The following NAA25 variants were observed in gnomAD, a reference collection of about 807,000 sequenced individuals.
NAA25 encodes the protein N-alpha-acetyltransferase 25, NatB auxiliary subunit.
In NAA25, 30 loss-of-function variants were observed where a neutral mutation model predicts 132.5. That is an observed-to-expected ratio of 0.23 (90% CI 0.17 to 0.31). The LOEUF (loss-of-function observed/expected upper bound fraction) is 0.31. Ranked by LOEUF, NAA25 falls within the 10% of genes least tolerant of loss-of-function variation. NAA25 has a pLI of 1.00. For synonymous variants in NAA25, 359 were observed against 401.9 expected, an observed-to-expected ratio of 0.89 and a Z score of 1.28; for missense variants, 771 against 1,150.4, an observed-to-expected ratio of 0.67 and a Z score of 4.77.
intron 3 of NAA25, 66 bp downstream of exon 3, chr12:112,090,660 C>A: frequency 6.5e-7 from 1 of 1,529,472 alleles, no homozygotes; most frequent in Non-Finnish European, 8.9e-7. Flanking sequence ...CAGACAAGGG[C>A]AAACAGTCAG....
intron 1 of NAA25, among the ~76,000 whole-genome samples, chr12:112,096,282 A>C (rs963088598): frequency 3.3e-5 from 5 of 152,230 alleles, no homozygotes; most frequent in African/African-American, 1.2e-4. Context: ...AACACAGGCC[A>C]GTTCACAATC....
At chr12:112,087,606 G>T in intron 4 of NAA25, 77 bp downstream of exon 4, 1 of 923,766 alleles carries the variant, frequency 1.1e-6, no homozygotes, top group Non-Finnish European at 1.7e-6. Context: ...CATACCCAGT[G>T]CAGTTAAATC....
chr12:112,089,470 A>G (rs2079101072), intron 3 of NAA25, among the ~76,000 whole-genome samples: 1 of 152,184 alleles, frequency 6.6e-6, no homozygotes. Flanking sequence ...ACCCAGTGAA[A>G]TATTTTGTGG....
chr12:112,031,351 T>G (rs7304461), intron 23 of NAA25, among the ~76,000 whole-genome samples: 1 of 152,218 alleles, frequency 6.6e-6, no homozygotes, highest in Non-Finnish European at 1.5e-5. Flanking sequence ...CAAAACTATA[T>G]GCATCAGGTA....
rs1388513531 is a variant in NAA25, at chr12:112,075,683, T to C, written c.771A>G (p.Leu257=). 6.2e-7 allele frequency: 1 copy of C among 1,613,552 alleles called. No homozygotes were observed. Residue 257 remains leucine (L), a synonymous_variant, in exon 8 of 24, where the codon CTA becomes CTG. Coordinates refer to ENST00000261745, the MANE Select transcript of NAA25 (RefSeq NM_024953.4). ...AAAAGAAAGCTTTTACTCACTTTTT[T>C]AGTAAGAGGCGCCGGGAAAGGGCAT... The part of the protein sequence containing the change: ...ECNALSRRLL[L]KNSDDWQFYL...
intron 1 of NAA25, among the ~76,000 whole-genome samples, chr12:112,104,784 G>A (rs970814532): frequency 2.0e-5 from 3 of 151,636 alleles, no homozygotes; most frequent in African/African-American, 4.8e-5. Context: ...TGCAGTGAGC[G>A]GAGATCACGC....
intron 1 of NAA25, among the ~76,000 whole-genome samples, chr12:112,096,891 G>C (rs976939540): frequency 2.6e-5 from 4 of 152,202 alleles, no homozygotes; most frequent in Non-Finnish European, 5.9e-5. Context: ...AAACATCTTT[G>C]ATGAGACCCA....
intron 13 of NAA25, among the ~76,000 whole-genome samples, chr12:112,059,894 G>A (rs994897361): frequency 2.0e-5 from 3 of 150,192 alleles, no homozygotes; most frequent in South Asian, 2.1e-4. Flanking sequence ...TGCAACCTCC[G>A]CCTCCCAAGC....
intron 22 of NAA25, chr12:112,035,217 A>C (rs1218732692): frequency 6.6e-6 from 1 of 152,258 alleles, no homozygotes; most frequent in Non-Finnish European, 1.5e-5. Context: ...AAAGACAACA[A>C]AAAACACTAC....
At chr12:112,043,258 G>A in intron 18 of NAA25, 47 bp from the exon 19 acceptor site, 2 of 1,525,594 alleles carry the variant, frequency 1.3e-6, no homozygotes, top group Non-Finnish European at 1.8e-6. Context: ...CCATCTAAAT[G>A]CATACAAAAT....
chr12:112,052,083 T>C (rs1397498714), intron 15 of NAA25, among the ~76,000 whole-genome samples: 3 of 152,206 alleles, frequency 2.0e-5, no homozygotes, highest in South Asian at 4.1e-4. Context: ...GTTTCTTTCA[T>C]CTCTCTTATA....
chr12:112,051,984 C>T (rs918762695), intron 15 of NAA25, among the ~76,000 whole-genome samples: 2 of 152,156 alleles, frequency 1.3e-5, no homozygotes, highest in African/African-American at 4.8e-5. Context: ...AACCAGCCAC[C>T]GGGCTGGAAT....
chr12:112,086,100 A>ACACACC (rs1398239770), intron 4 of NAA25, among the ~76,000 whole-genome samples: 1 of 133,544 alleles, frequency 7.5e-6, no homozygotes, highest in Non-Finnish European at 1.5e-5. Flanking sequence ...ACACACACAC[A>ACACACC]CACCCATAAC....
intron 1 of NAA25, among the ~76,000 whole-genome samples, chr12:112,106,151 C>A (rs1187414401): frequency 6.6e-6 from 1 of 152,210 alleles, no homozygotes; most frequent in African/African-American, 2.4e-5. Context: ...AAGAAAGCCT[C>A]TTCTAATCCT....
chr12:112,071,424 T>C (rs1451550525), intron 10 of NAA25, among the ~76,000 whole-genome samples: 1 of 152,140 alleles, frequency 6.6e-6, no homozygotes, highest in Non-Finnish European at 1.5e-5. Flanking sequence ...CTCTGCCTCC[T>C]GGACTCAAGA....
chr12:112,108,373 C>T (rs2079395770), intron 1 of NAA25, among the ~76,000 whole-genome samples: 1 of 152,256 alleles, frequency 6.6e-6, no homozygotes, highest in South Asian at 2.1e-4. Flanking sequence ...AGCCGGCTTC[C>T]ACCTTCGGGG....
chr12:112,090,607 GT>G, intron 3 of NAA25, 118 bp downstream of exon 3: 1 of 975,788 alleles, frequency 1.0e-6, no homozygotes, highest in Non-Finnish European at 1.5e-6. Flanking sequence ...TGGCTAATGC[GT>G]TATTCTACCT....
chr12:112,103,610 T>C (rs957799426), intron 1 of NAA25, among the ~76,000 whole-genome samples: 2 of 152,092 alleles, frequency 1.3e-5, no homozygotes, highest in Non-Finnish European at 1.5e-5. Flanking sequence ...TGAGGCAAAA[T>C]AGGACCAGAC....
rs552239231 is a variant in NAA25, at chr12:112,026,771, G to A, written c.*2760C>T. On this transcript the variant is annotated 3_prime_UTR_variant, in exon 24 of 24. Transcript: ENST00000261745. The stretch of plus-strand genomic sequence containing the variant: ...TGCTATGCTTCACTTACTTAAGGAA[G>A]AATATATACTTCCTATATTAATAAA... 1.3e-5 allele frequency: 2 copies of A among 152,144 alleles called. No individual in the cohort carries two copies. Among genetic ancestry groups the A allele is most frequent in the African/African-American group, 2.4e-5 (1 of 41,430 alleles). The allele number at this position is 152,144 out of a possible 1,614,324, so 9.4% of individuals were successfully genotyped here.
Sources: gnomAD v4.1 joint callset for allele counts (sites outside exome capture counted in the v4.1 genomes callset) on GRCh38, gnomAD v4.1.1 for gene constraint, MANE v1.5 for transcripts, NCBI Gene and HGNC (gene_info 2026-07-23, HGNC 2026-07-21) for gene names.